HPCAL1: variants seen among roughly 807,000 people sequenced by gnomAD.
HPCAL1 encodes the protein hippocalcin like 1.
HPCAL1 carries 8 observed loss-of-function variants against 17.1 expected under a neutral mutation model. That is an observed-to-expected ratio of 0.47 (90% CI 0.27 to 0.84). The LOEUF (loss-of-function observed/expected upper bound fraction) is 0.84. Among genes scored for constraint, HPCAL1 ranks in the 40% least tolerant of loss-of-function variants. The probability of loss-of-function intolerance (pLI) is 0.13; values close to 1 mark genes in which losing one functional copy is unlikely to be tolerated. For missense variants in HPCAL1, 165 were observed against 271.1 expected, an observed-to-expected ratio of 0.61 and a Z score of 2.75; for synonymous variants, 112 against 111.4, an observed-to-expected ratio of 1.01 and a Z score of -0.03.
chr2:10,329,948 G>C (rs1664254279), intron 1 of HPCAL1, among the ~76,000 whole-genome samples: 1 of 152,222 alleles, frequency 6.6e-6, no homozygotes, highest in Non-Finnish European at 1.5e-5. Context: ...AGGCCATATC[G>C]AGCAGGGTAA....
chr2:10,323,107 A>G lies in HPCAL1; in HGVS notation c.-111+19930A>G, dbSNP rs1000567228. Reference sequence around the variant, plus strand: ...CTGAGGTCCACCATGACTGTGCTGCAGCCACCACCACTGGCCGCTTCATGG... The same window carrying G: ...CTGAGGTCCACCATGACTGTGCTGCGGCCACCACCACTGGCCGCTTCATGG... On this transcript the variant is annotated intron_variant, in intron 1 of 4. Transcript: ENST00000307845. This position sits in a 1 kb window ranked among gnomAD's most constrained non-coding sequence, Gnocchi z 4.6. Among the ~76,000 whole-genome samples the G allele has an allele frequency of 6.6e-6, 1 of 152,158 alleles. No individual in the cohort carries two copies. The highest frequency in any genetic ancestry group is 2.4e-5 in the African/African-American group (1 of 41,440).
At chr2:10,347,248 G>A (rs1016284342) in intron 1 of HPCAL1, among the ~76,000 whole-genome samples, 11 of 152,058 alleles carry the variant, frequency 7.2e-5, no homozygotes, top group African/African-American at 2.7e-4. Flanking sequence ...TCGTTGGCTT[G>A]GTCACCCAGC....
chr2:10,416,007 C>T (rs112012079), intron 2 of HPCAL1, among the ~76,000 whole-genome samples: 232 of 152,332 alleles, frequency 1.5e-3, no homozygotes, highest in African/African-American at 4.9e-3. Flanking sequence ...GCTGGGCATC[C>T]ATCCTCTACC....
intron 1 of HPCAL1, among the ~76,000 whole-genome samples, chr2:10,370,438 G>A (rs920573095): frequency 3.3e-5 from 5 of 152,226 alleles, no homozygotes; most frequent in Non-Finnish European, 7.3e-5. Context: ...ACCCTCATGT[G>A]CAGATCCTGC....
At chr2:10,316,642 A>C (rs1663331495) in intron 1 of HPCAL1, among the ~76,000 whole-genome samples, 1 of 152,182 alleles carries the variant, frequency 6.6e-6, no homozygotes, top group African/African-American at 2.4e-5. Flanking sequence ...GAGGCCAGCC[A>C]TCAGAAAAAT....
intron 2 of HPCAL1, among the ~76,000 whole-genome samples, chr2:10,401,724 C>T (rs540414599): frequency 1.3e-5 from 2 of 152,216 alleles, no homozygotes; most frequent in Admixed American, 6.5e-5. Context: ...CTAGCCACAC[C>T]CTGGGTAAAT....
At chr2:10,306,105 T>C (rs1193122608) in intron 1 of HPCAL1, among the ~76,000 whole-genome samples, 1 of 152,160 alleles carries the variant, frequency 6.6e-6, no homozygotes, top group Non-Finnish European at 1.5e-5. Context: ...TAATCCAGGG[T>C]ACTAACGGGG....
Position 10,331,190 on chromosome 2 carries a change from GC to G in HPCAL1, c.-111+28015del. 6.6e-6 allele frequency among the ~76,000 whole-genome samples: 1 copy of G among 152,238 alleles called. No individual in the cohort carries two copies. The highest frequency in any genetic ancestry group is 1.9e-4 in the East Asian group (1 of 5,170). ...GAGGGCGGGGCGGGCTCTGGGGACAGCCTGGACTCTCCTGCCTGCCCCCAGG... is the reference window on the plus strand; with the variant it reads ...GAGGGCGGGGCGGGCTCTGGGGACAGCTGGACTCTCCTGCCTGCCCCCAGG... On this transcript the variant is annotated intron_variant, in intron 1 of 4. Coordinates refer to ENST00000307845, the MANE Select transcript of HPCAL1 (RefSeq NM_002149.4). The surrounding 1 kb of genome is among the most constrained non-coding windows in gnomAD (Gnocchi z 5.0).
intron 4 of HPCAL1, chr2:10,423,459 C>T (rs1373357189): frequency 1.8e-5 from 4 of 223,380 alleles, no homozygotes; most frequent in African/African-American, 9.1e-5. Flanking sequence ...ATGTTGGGGT[C>T]CTGGGGTGCT....
At chr2:10,410,436 C>CTTCTTTTTTTTTTTTTTT (rs1553360281) in intron 2 of HPCAL1, among the ~76,000 whole-genome samples, 1 of 77,496 alleles carries the variant, frequency 1.3e-5, no homozygotes, top group Non-Finnish European at 2.3e-5. Flanking sequence ...TCTTCTTCTT[C>CTTCTTTTTTTTTTTTTTT]TTTTTTTTTT....
intron 2 of HPCAL1, among the ~76,000 whole-genome samples, chr2:10,417,012 A>G (rs1172948892): frequency 6.6e-6 from 1 of 152,168 alleles, no homozygotes; most frequent in Non-Finnish European, 1.5e-5. Flanking sequence ...CTGTGGCTGC[A>G]TATCCAGAGC....
chr2:10,401,527 C>T (rs1461882106), intron 2 of HPCAL1, among the ~76,000 whole-genome samples: 1 of 151,902 alleles, frequency 6.6e-6, no homozygotes, highest in African/African-American at 2.4e-5. Context: ...GACAGTGCCG[C>T]GGTGGCCGAA....
chr2:10,420,502 T>G (rs919104475), intron 3 of HPCAL1, among the ~76,000 whole-genome samples: 2 of 152,064 alleles, frequency 1.3e-5, no homozygotes, highest in Non-Finnish European at 2.9e-5. Flanking sequence ...GGCCTCCCTG[T>G]GTTCTTTATG....
At chr2:10,416,351 C>T (rs755933231) in intron 2 of HPCAL1, among the ~76,000 whole-genome samples, 2 of 152,152 alleles carry the variant, frequency 1.3e-5, no homozygotes, top group African/African-American at 2.4e-5. Flanking sequence ...CCCTGACAGC[C>T]GGAGGGGGGC....
intron 1 of HPCAL1, among the ~76,000 whole-genome samples, chr2:10,328,698 T>C (rs889784238): frequency 6.6e-6 from 1 of 152,184 alleles, no homozygotes; most frequent in Admixed American, 6.5e-5. Flanking sequence ...GTCTTGCGAC[T>C]CTTCAGCCTC....
intron 1 of HPCAL1, among the ~76,000 whole-genome samples, chr2:10,336,453 CATTT>C (rs552977900): frequency 6.2e-4 from 94 of 152,270 alleles, no homozygotes; most frequent in African/African-American, 1.7e-3. Context: ...GGAGATGGGT[CATTT>C]ATTTATTTAG....
rs1438480613 is a variant in HPCAL1 at position 10,330,352 on chromosome 2, C to T, written c.-111+27175C>T. The T allele has an allele frequency of 6.6e-6, 1 of 152,230 alleles. No homozygotes were observed. Among genetic ancestry groups the T allele is most frequent in the Non-Finnish European group, 1.5e-5 (1 of 68,068 alleles). 9.4% of individuals were successfully genotyped at this position (152,230 alleles called of 1,614,324 possible). On this transcript the variant is annotated intron_variant, in intron 1 of 4. Transcript: ENST00000307845. The surrounding 1 kb of genome is among the most constrained non-coding windows in gnomAD (Gnocchi z 4.2). ...ATAGGAGAGTGGCGAAGGGCAGCAGCTTTGGAGCAAGGGCCACCCTGCCCC... is the reference window on the plus strand; with the variant it reads ...ATAGGAGAGTGGCGAAGGGCAGCAGTTTTGGAGCAAGGGCCACCCTGCCCC...
chr2:10,341,520 A>C (rs568747219), intron 1 of HPCAL1, among the ~76,000 whole-genome samples: 1 of 152,016 alleles, frequency 6.6e-6, no homozygotes, highest in Non-Finnish European at 1.5e-5. Flanking sequence ...CCTTCTTTAT[A>C]GTAGGCTCAG....
At chr2:10,364,166 C>T (rs534323820) in intron 1 of HPCAL1, among the ~76,000 whole-genome samples, 60 of 152,314 alleles carry the variant, frequency 3.9e-4, no homozygotes, top group African/African-American at 1.4e-3. Flanking sequence ...GCTCCCAGCA[C>T]GTGGGTGGCA....
Sources: gnomAD v4.1 joint callset for allele counts (sites outside exome capture counted in the v4.1 genomes callset) on GRCh38, gnomAD v4.1.1 for gene constraint, Gnocchi (gnomAD v3.1) non-coding constraint, MANE v1.5 for transcripts, NCBI Gene and HGNC (gene_info 2026-07-23, HGNC 2026-07-21) for gene names.